The following LRBA variants were observed in gnomAD, a reference collection of about 807,000 sequenced individuals.
LRBA encodes LPS responsive beige-like anchor protein.
In LRBA, 176 loss-of-function variants were observed where a neutral mutation model predicts 330.0. The ratio of observed to expected loss-of-function variants is 0.53; its 90% confidence interval spans 0.47 to 0.60. LRBA has a LOEUF of 0.60. Ranked by LOEUF, LRBA falls within the 20% of genes least tolerant of loss-of-function variation. LRBA has a pLI of 0.00. For synonymous variants in LRBA, 1,230 were observed against 1,193.0 expected (o/e 1.03, Z -0.64); for missense variants, 3,259 against 3,444.8 (o/e 0.95, Z 1.35).
chr4:150,392,411 T>C (rs1033098694), intron 47 of LRBA, among the ~76,000 whole-genome samples: 2 of 152,114 alleles, frequency 1.3e-5, no homozygotes, highest in Non-Finnish European at 2.9e-5. Flanking sequence ...GTCTGCATAT[T>C]TGCTGTTTCT....
At chr4:150,298,625 C>T (rs1050383516) in intron 53 of LRBA, among the ~76,000 whole-genome samples, 5 of 151,894 alleles carry the variant, frequency 3.3e-5, no homozygotes, top group Admixed American at 1.3e-4. Flanking sequence ...TTCTAATTAA[C>T]GGTGCTGAAA....
In LRBA at chr4:150,761,859, A is replaced by C; in HGVS notation, c.5581-12T>G. On this transcript the variant is annotated splice_polypyrimidine_tract_variant and intron_variant, in intron 34 of 56. Transcript: ENST00000651943. ...GAATTTTGCCACTCCTATAAAAAAAAAAGCAAAAATAGCTGAAGAAATGTC... is the reference window on the plus strand; with the variant it reads ...GAATTTTGCCACTCCTATAAAAAAACAAGCAAAAATAGCTGAAGAAATGTC... 1 of 1,480,536 alleles carries C rather than the reference A, an allele frequency of 6.8e-7. No individual in the cohort carries two copies. Among genetic ancestry groups the C allele is most frequent in the South Asian group, 1.3e-5 (1 of 75,214 alleles). The allele number at this position is 1,480,536 out of a possible 1,614,324, so 91.7% of individuals were successfully genotyped here.
intron 40 of LRBA, among the ~76,000 whole-genome samples, chr4:150,528,139 A>AT (rs577154599): frequency 1.0e-3 from 155 of 152,284 alleles, no homozygotes; most frequent in African/African-American, 3.5e-3. Flanking sequence ...TGTACTATAA[A>AT]TATCAACTTC....
intron 40 of LRBA, chr4:150,582,957 C>G (rs1771586934): frequency 6.6e-7 from 1 of 1,507,592 alleles, no homozygotes. Context: ...GCTGGGCCAC[C>G]ACCAGTGCGT....
chr4:150,771,463 T>C (rs1578730540), intron 34 of LRBA, among the ~76,000 whole-genome samples: 1 of 152,188 alleles, frequency 6.6e-6, no homozygotes, highest in East Asian at 1.9e-4. Flanking sequence ...TCAGAAGCAA[T>C]GCTAAGCAAT....
At chr4:150,301,830 A>C (rs567389507) in intron 53 of LRBA, among the ~76,000 whole-genome samples, 1 of 152,328 alleles carries the variant, frequency 6.6e-6, no homozygotes, top group South Asian at 2.1e-4. Context: ...AGAGCAGTTA[A>C]AATGCTCTAC....
At chr4:150,658,100 T>C (rs1403449086) in intron 37 of LRBA, among the ~76,000 whole-genome samples, 1 of 152,208 alleles carries the variant, frequency 6.6e-6, no homozygotes, top group Middle Eastern at 3.4e-3. Flanking sequence ...TCAAAGGAGA[T>C]AGCCTTTGAC....
At chr4:150,393,164 T>A (rs914831352) in intron 47 of LRBA, among the ~76,000 whole-genome samples, 3 of 152,064 alleles carry the variant, frequency 2.0e-5, no homozygotes, top group African/African-American at 7.2e-5. Flanking sequence ...CATTCTGGAT[T>A]AATTATTTCC....
Position 150,798,155 on chromosome 4 carries a change from G to T in LRBA, c.5519-13C>A, listed in dbSNP as rs778206826. ...ATGCAAACCAGACCTATTTTAAAGA[G>T]AATTTTAAAAAAGAAGTTATAAAGA... is the stretch of plus-strand genomic sequence containing the variant. On this transcript the variant is annotated splice_polypyrimidine_tract_variant and intron_variant, in intron 33 of 56. Transcript: ENST00000651943. 3.9e-6 allele frequency: 6 copies of T among 1,556,036 alleles called. No homozygotes were observed. In the South Asian group the frequency reaches 6.7e-5, roughly 17 times the overall value.
At chr4:150,639,867 A>G (rs1439292186) in intron 37 of LRBA, among the ~76,000 whole-genome samples, 8 of 87,856 alleles carry the variant, frequency 9.1e-5, no homozygotes, top group Non-Finnish European at 1.8e-4. Context: ...ATATATATAT[A>G]TATATTTAGA....
rs531769160 is a variant in LRBA at position 150,546,090 on chromosome 4, T to C, written c.6330+41958A>G. On this transcript the variant is annotated intron_variant, in intron 40 of 56. Coordinates refer to ENST00000651943, the MANE Select transcript of LRBA (RefSeq NM_001364905.1). ...TCTTTTTTAATCCACATTTTTCATATAGAAGAAAGATTTGTGTATTTTGCA... is the reference window on the plus strand; with the variant it reads ...TCTTTTTTAATCCACATTTTTCATACAGAAGAAAGATTTGTGTATTTTGCA... Among the ~76,000 whole-genome samples the C allele has an allele frequency of 1.3e-4, 20 of 152,296 alleles. No homozygotes were observed. In the South Asian group the frequency reaches 1.5e-3, roughly 11 times the overall value.
chr4:150,359,246 T>C (rs1174651397), intron 47 of LRBA, among the ~76,000 whole-genome samples: 5 of 152,194 alleles, frequency 3.3e-5, no homozygotes, highest in African/African-American at 1.2e-4. Flanking sequence ...ATTCATTCAG[T>C]AAATATTTAT....
chr4:150,432,670 C>T (rs1750593640), intron 46 of LRBA, among the ~76,000 whole-genome samples: 1 of 151,620 alleles, frequency 6.6e-6, no homozygotes, highest in Admixed American at 6.6e-5. Context: ...TGGTCTCGAT[C>T]TCCTGACCTC....
At chr4:150,497,255 G>C (rs557967236) in intron 40 of LRBA, among the ~76,000 whole-genome samples, 1 of 152,210 alleles carries the variant, frequency 6.6e-6, no homozygotes, top group East Asian at 1.9e-4. Flanking sequence ...TTGAATCCTA[G>C]TTGGTTCAAG....
chr4:150,580,774 G>A (rs1315628912), intron 40 of LRBA: 1 of 152,064 alleles, frequency 6.6e-6, no homozygotes, highest in South Asian at 2.1e-4. Flanking sequence ...GCTACAGTGG[G>A]TACAACTCGT....
chr4:150,639,805 ATGTG>A (rs1166703144), intron 37 of LRBA, among the ~76,000 whole-genome samples: 413 of 8,068 alleles, frequency 0.051, 42 homozygotes, highest in Middle Eastern at 0.12. Context: ...ATATATATAT[ATGTG>A]TGTGTGTGTG....
intron 53 of LRBA, among the ~76,000 whole-genome samples, chr4:150,292,919 T>C (rs1412114176): frequency 6.6e-6 from 1 of 152,112 alleles, no homozygotes; most frequent in African/African-American, 2.4e-5. Flanking sequence ...AGACCACCAA[T>C]ATAATTTTCT....
intron 50 of LRBA, among the ~76,000 whole-genome samples, chr4:150,318,673 G>A (rs1732056131): frequency 6.6e-6 from 1 of 152,134 alleles, no homozygotes; most frequent in Admixed American, 6.5e-5. Context: ...TCACATTCTA[G>A]AAAGATAACT....
intron 36 of LRBA, among the ~76,000 whole-genome samples, chr4:150,694,894 A>G (rs528838177): frequency 6.6e-6 from 1 of 152,308 alleles, no homozygotes; most frequent in Non-Finnish European, 1.5e-5. Flanking sequence ...TTTTGGTAAT[A>G]AAAAACTTGT....
Sources: allele counts gnomAD v4.1 joint callset (sites outside exome capture counted in the v4.1 genomes callset), GRCh38; gene constraint gnomAD v4.1.1; transcripts MANE v1.5; gene names NCBI Gene and HGNC (gene_info 2026-07-23, HGNC 2026-07-21).